The following TASOR2 variants were observed in gnomAD, a reference collection of about 807,000 sequenced individuals.
TASOR2 encodes transcription activation suppressor family member 2.
A neutral mutation model predicts 199.5 loss-of-function variants in TASOR2; 84 were observed. The ratio of observed to expected loss-of-function variants is 0.42; its 90% CI spans 0.35 to 0.50. TASOR2 has a LOEUF of 0.50. TASOR2 is among the 20% of genes least tolerant of loss of function. TASOR2 has a pLI of 0.02. For synonymous variants in TASOR2, 1,103 were observed against 1,046.6 expected (o/e 1.05, Z -1.04); for missense variants, 2,796 against 2,835.9 (o/e 0.99, Z 0.32).
chr10:5,744,249 C>T (rs1836841466), intron 14 of TASOR2, among the ~76,000 whole-genome samples: 1 of 152,088 alleles, frequency 6.6e-6, no homozygotes, highest in Non-Finnish European at 1.5e-5. Context: ...ATACTTTGTT[C>T]TCTTAAAACT....
At chr10:5,728,591 CAG>C (rs1471078838) in intron 10 of TASOR2, among the ~76,000 whole-genome samples, 1 of 151,270 alleles carries the variant, frequency 6.6e-6, no homozygotes, top group African/African-American at 2.4e-5. Context: ...AGCCTGGTGA[CAG>C]AGGGAGATTC....
chr10:5,699,746 AT>A lies in TASOR2; in HGVS notation c.-287-13073del. 1 of 866,158 alleles carries A rather than the reference AT, an allele frequency of 1.2e-6. No individual in the cohort carries two copies. The highest frequency in any genetic ancestry group is 1.4e-6 in the Non-Finnish European group (1 of 721,200). The allele number at this position is 866,158 out of a possible 1,614,324, so 53.7% of individuals were successfully genotyped here. A position where few individuals can be genotyped will look rare whatever the true frequency, so the allele number is the denominator to read the frequency against. On this transcript the variant is annotated intron_variant, in intron 1 of 20. Transcript: ENST00000328090. The surrounding 1 kb of genome is among the most constrained non-coding windows in gnomAD (Gnocchi z 4.1). ...AGAAATGAAATTTTATGGTAAGTAT[AT>A]TTTACCACAATTTTGATAATGCAAA...
At chr10:5,741,381 TC>T (rs1475686186) in intron 13 of TASOR2, among the ~76,000 whole-genome samples, 1 of 152,232 alleles carries the variant, frequency 6.6e-6, no homozygotes, top group Non-Finnish European at 1.5e-5. Context: ...CTGTTTCACA[TC>T]TGACTATATG....
intron 6 of TASOR2, among the ~76,000 whole-genome samples, chr10:5,723,110 G>T (rs557388660): frequency 1.5e-5 from 2 of 130,152 alleles, no homozygotes. Context: ...AGAGTGCAGC[G>T]GCACAATCTC....
chr10:5,692,164 A>AAAAAG (rs1836510658), intron 1 of TASOR2, among the ~76,000 whole-genome samples: 1 of 150,920 alleles, frequency 6.6e-6, no homozygotes, highest in Non-Finnish European at 1.5e-5. Flanking sequence ...AAAAAAAAAA[A>AAAAAG]GCCATATTCA....
At chr10:5,762,938 A>T in intron 20 of TASOR2, 91 bp from the exon 22 acceptor site, 2 of 1,189,736 alleles carry the variant, frequency 1.7e-6, no homozygotes, top group Non-Finnish European at 2.4e-6. Flanking sequence ...TAGAATGCAT[A>T]GGCGTTTTCC....
rs762999977 is a variant in TASOR2 at position 5,754,220 on chromosome 10, C to T, written c.6607-2393C>T. On this transcript the variant is annotated intron_variant, in intron 15 of 20. Coordinates refer to ENST00000328090, the Ensembl canonical transcript of TASOR2. The surrounding 1 kb of genome is among the most constrained non-coding windows in gnomAD (Gnocchi z 4.3). ...GGCTAAGGCAGGAGAATCACTTGAA[C>T]CCAGGATGTGGAGGTTGTAGTAAGC... Among the ~76,000 whole-genome samples, 30 of 152,168 alleles carry T rather than the reference C, an allele frequency of 2.0e-4. No homozygotes were observed. The Middle Eastern group carries it at 0.027, about 138-fold the overall frequency.
chr10:5,697,891 G>T (rs1456392538), intron 1 of TASOR2, among the ~76,000 whole-genome samples: 2 of 152,036 alleles, frequency 1.3e-5, no homozygotes, highest in African/African-American at 2.4e-5. Flanking sequence ...TTTTATGTTG[G>T]TTTTTTGTTC....
chr10:5,691,600 A>T (rs550522507), intron 1 of TASOR2, among the ~76,000 whole-genome samples: 1 of 152,332 alleles, frequency 6.6e-6, no homozygotes, highest in Admixed American at 6.5e-5. Flanking sequence ...TTATAAGTTC[A>T]AATTATCCTA....
rs943932511 is a variant in TASOR2, at chr10:5,737,819, C to T, written c.1448-1799C>T. Among the ~76,000 whole-genome samples the T allele has an allele frequency of 1.3e-5, 2 of 152,068 alleles. No individual in the cohort carries two copies. The highest frequency in any genetic ancestry group is 6.5e-5 in the Admixed American group (1 of 15,274). ...ATGTTTATTGACAAATTGATTAATGCGAGGAGGTATATAATTGCATACTGG... is the reference window on the plus strand; with the variant it reads ...ATGTTTATTGACAAATTGATTAATGTGAGGAGGTATATAATTGCATACTGG... On this transcript the variant is annotated intron_variant, in intron 12 of 20. Coordinates refer to ENST00000328090, the Ensembl canonical transcript of TASOR2. This position sits in a 1 kb window ranked among gnomAD's most constrained non-coding sequence, Gnocchi z 4.9.
In TASOR2 at chr10:5,710,823, A is replaced by G. The variant is rs1215607919; in HGVS notation, c.-287-2000A>G. 6.6e-6 allele frequency among the ~76,000 whole-genome samples: 1 copy of G among 152,112 alleles called. No individual in the cohort carries two copies. The highest frequency in any genetic ancestry group is 1.5e-5 in the Non-Finnish European group (1 of 67,978). ...TTGAAACTTTCTTGCTTTTTTATAA[A>G]TATCAAATATAAAGTTCCCAAAATT... On this transcript the variant is annotated intron_variant, in intron 1 of 20. Transcript: ENST00000328090. This position sits in a 1 kb window ranked among gnomAD's most constrained non-coding sequence, Gnocchi z 4.6.
intron 8 of TASOR2, among the ~76,000 whole-genome samples, chr10:5,725,346 G>A (rs1178326610): frequency 4.7e-5 from 6 of 127,942 alleles, no homozygotes; most frequent in South Asian, 2.5e-4. Context: ...AGCCTAGATC[G>A]CGCAGCTGCA....
At chr10:5,700,519 A>G (rs1837689457) in intron 1 of TASOR2, among the ~76,000 whole-genome samples, 1 of 152,150 alleles carries the variant, frequency 6.6e-6, no homozygotes, top group African/African-American at 2.4e-5. Context: ...ACTCTTTTCC[A>G]TAGTGGCTGT....
chr10:5,702,537 A>T (rs1039612112), intron 1 of TASOR2, among the ~76,000 whole-genome samples: 2 of 151,836 alleles, frequency 1.3e-5, no homozygotes, highest in Non-Finnish European at 2.9e-5. Context: ...TTCCTCTTTA[A>T]ATGTTTGGTA....
intron 11 of TASOR2, 64 bp downstream of exon 12, chr10:5,731,267 T>C (rs1834776892): frequency 1.4e-6 from 2 of 1,478,410 alleles, no homozygotes; most frequent in East Asian, 4.5e-5. Flanking sequence ...TGGTGGCTCA[T>C]GCCTGTAATC....
At chr10:5,761,503 G>A (rs372623129) in intron 19 of TASOR2, 32 bp downstream of exon 20, 8 of 1,592,656 alleles carry the variant, frequency 5.0e-6, no homozygotes, top group Non-Finnish European at 6.0e-6. Flanking sequence ...CTCAGTTAAT[G>A]CCAAAATTGG....
At position 5,737,316 on chromosome 10, in the gene TASOR2, C is replaced by T. The variant is rs762318666; in HGVS notation, c.1447+1770C>T. ...TTTTTTTTTTCAACTTAAGCATACC[C>T]TGAGATTCTTTAAGTTTTTTCAGAT... On this transcript the variant is annotated intron_variant, in intron 12 of 20. Coordinates refer to ENST00000328090, the Ensembl canonical transcript of TASOR2. This position sits in a 1 kb window ranked among gnomAD's most constrained non-coding sequence, Gnocchi z 4.9. 2.6e-5 allele frequency among the ~76,000 whole-genome samples: 4 copies of T among 151,846 alleles called. No homozygotes were observed. The highest frequency in any genetic ancestry group is 1.3e-4 in the Admixed American group (2 of 15,232).
chr10:5,702,658 TTTTG>T (rs540923138), intron 1 of TASOR2, among the ~76,000 whole-genome samples: 3,945 of 100,862 alleles, frequency 0.039, 167 homozygotes, highest in East Asian at 0.33. Context: ...TTTTTTTTTT[TTTTG>T]GTAAGTAAGG....
In TASOR2 at chr10:5,740,649, T is replaced by C; in HGVS notation, c.2327+152T>C. 1.2e-6 allele frequency: 1 copy of C among 854,512 alleles called. No homozygotes were observed. Among genetic ancestry groups the C allele is most frequent in the Non-Finnish European group, 1.7e-6 (1 of 571,572 alleles). The allele number at this position is 854,512 out of a possible 1,614,324, so 52.9% of individuals were successfully genotyped here. On this transcript the variant is annotated intron_variant, in intron 13 of 20. Coordinates refer to ENST00000328090, the Ensembl canonical transcript of TASOR2. The surrounding 1 kb of genome is among the most constrained non-coding windows in gnomAD (Gnocchi z 5.3). ...TTGATAATAACATCAAGCAAACATG[T>C]TTCCTGGCAATTAAGAGTAACAGGC...
Sources: gnomAD v4.1 joint callset for allele counts (sites outside exome capture counted in the v4.1 genomes callset) on GRCh38, gnomAD v4.1.1 for gene constraint, Gnocchi (gnomAD v3.1) non-coding constraint, MANE v1.5 for transcripts, NCBI Gene and HGNC (gene_info 2026-07-23, HGNC 2026-07-21) for gene names.